GRM7: variants seen among roughly 807,000 people sequenced by gnomAD.
GRM7 encodes glutamate metabotropic receptor 7.
A neutral mutation model predicts 84.5 loss-of-function variants in GRM7; 35 were observed. That is an observed-to-expected ratio of 0.41 (90% CI 0.32 to 0.55). GRM7 has a LOEUF of 0.55. GRM7 is among the 20% of genes least tolerant of loss of function. The probability of loss-of-function intolerance (pLI) is 0.19; values close to 1 mark genes in which losing one functional copy is unlikely to be tolerated. For missense variants in GRM7, 1,003 were observed against 1,194.6 expected (o/e 0.84, Z 2.36); for synonymous variants, 487 against 455.1 (o/e 1.07, Z -0.89).
chr3:7,184,362 AT>A (rs2125099985), intron 2 of GRM7, among the ~76,000 whole-genome samples: 1 of 151,962 alleles, frequency 6.6e-6, no homozygotes, highest in Non-Finnish European at 1.5e-5. Context: ...TTTATTATCA[AT>A]TTTTAAAGTA....
chr3:7,710,122 T>G (rs916892755), intron 9 of GRM7, among the ~76,000 whole-genome samples: 2 of 152,110 alleles, frequency 1.3e-5, no homozygotes, highest in Non-Finnish European at 2.9e-5. Flanking sequence ...AACAATACTA[T>G]AAAAGGTATA....
At position 7,193,382 on chromosome 3, in the gene GRM7, G is replaced by C. The variant is rs531825989; in HGVS notation, c.736+46714G>C. Among the ~76,000 whole-genome samples, 106 of 152,168 alleles carry C rather than the reference G, an allele frequency of 7.0e-4. 1 individual carries two copies. Among genetic ancestry groups the C allele is most frequent in the South Asian group, 1.9e-3 (9 of 4,818 alleles). On this transcript the variant is annotated intron_variant, in intron 2 of 9. Transcript: ENST00000357716. The stretch of plus-strand genomic sequence containing the variant: ...TCTACCAAGCACTTAGGAGTAATCA[G>C]AATACTCAGTTGTGTTTAGCTTAGA...
At chr3:7,452,866 A>G in intron 6 of GRM7, 59 bp downstream of exon 6, 3 of 1,022,402 alleles carry the variant, frequency 2.9e-6, no homozygotes, top group South Asian at 2.8e-5. Flanking sequence ...CTGTTTCATA[A>G]GTTTTAAATG....
intron 4 of GRM7, among the ~76,000 whole-genome samples, chr3:7,375,214 C>T (rs1187738879): frequency 5.3e-5 from 7 of 132,958 alleles, no homozygotes; most frequent in Admixed American, 7.6e-5. Flanking sequence ...TAAACATCCC[C>T]TTTTTTTTTT....
intron 2 of GRM7, among the ~76,000 whole-genome samples, chr3:7,228,469 G>C (rs1697055279): frequency 1.3e-5 from 2 of 152,198 alleles, no homozygotes; most frequent in Admixed American, 6.5e-5. Context: ...AGAAATCCAA[G>C]AAGACGCTCT....
Position 6,861,440 on chromosome 3 carries a change from T to C in GRM7, c.52T>C (p.Cys18Arg). ...LRVLTLMKFPCCVLEVLLCAL... is the reference protein window; with the variant it reads ...LRVLTLMKFPRCVLEVLLCAL... The stretch of plus-strand genomic sequence containing the variant: ...CGTCCTGACTTTGATGAAGTTCCCC[T>C]GCTGCGTGCTGGAGGTGCTCCTGTG... The change falls in exon 1 of 10, where the codon TGC (cysteine) becomes CGC (arginine). Residue 18 changes from cysteine to arginine, a missense_variant. By Grantham distance (180) the Cys-to-Arg change is radical. Around this residue, in one of 2 missense-constraint regions of GRM7, gnomAD observed 93 missense variants for 68.6 expected, o/e 1.36. Coordinates refer to ENST00000357716, the MANE Select transcript of GRM7 (RefSeq NM_000844.4). This position sits in a 1 kb window ranked among gnomAD's most constrained non-coding sequence, Gnocchi z 6.4. The C allele has an allele frequency of 6.5e-7, 1 of 1,544,340 alleles. No homozygotes were observed. The highest frequency in any genetic ancestry group is 2.5e-5 in the East Asian group (1 of 39,316).
At chr3:7,662,143 G>A (rs1309227327) in intron 8 of GRM7, among the ~76,000 whole-genome samples, 1 of 152,052 alleles carries the variant, frequency 6.6e-6, no homozygotes, top group Non-Finnish European at 1.5e-5. Context: ...TGAAAGATGC[G>A]AGACAAAAAA....
intron 8 of GRM7, among the ~76,000 whole-genome samples, chr3:7,659,433 C>T (rs954435417): frequency 1.3e-5 from 2 of 151,686 alleles, no homozygotes; most frequent in African/African-American, 2.4e-5. Context: ...TCTCTTTTAA[C>T]TTCGGTAATG....
chr3:7,051,292 G>A (rs1356625140), intron 1 of GRM7, among the ~76,000 whole-genome samples: 1 of 151,704 alleles, frequency 6.6e-6, no homozygotes, highest in Non-Finnish European at 1.5e-5. Flanking sequence ...GAGAATAATT[G>A]GTTGGTTGAA....
chr3:7,542,404 A>T lies in GRM7; in HGVS notation c.1516-36018A>T, dbSNP rs531510648. ...AATAATGCACTTCCATGGACTTCCT[A>T]TAGCCTGCTCCCTCTCTGTCTTTGG... On this transcript the variant is annotated intron_variant, in intron 7 of 9. Coordinates refer to ENST00000357716, the MANE Select transcript of GRM7 (RefSeq NM_000844.4). 1.1e-4 allele frequency among the ~76,000 whole-genome samples: 17 copies of T among 152,216 alleles called. 1 individual carries two copies. The highest frequency in any genetic ancestry group is 3.4e-3 in the Middle Eastern group (1 of 294).
Sources: gnomAD v4.1 joint callset for allele counts (sites outside exome capture counted in the v4.1 genomes callset) on GRCh38, gnomAD v4.1.1 for gene constraint, gnomAD v4.1.1 regional missense constraint, Gnocchi (gnomAD v3.1) non-coding constraint, MANE v1.5 for transcripts, NCBI Gene and HGNC (gene_info 2026-07-23, HGNC 2026-07-21) for gene names.